NRXN1: variants seen among roughly 807,000 people sequenced by gnomAD.
NRXN1 encodes the protein neurexin 1, also known as neurexin-1.
A neutral mutation model predicts 150.9 loss-of-function variants in NRXN1; 39 were observed. The ratio of observed to expected loss-of-function variants is 0.26; its 90% CI spans 0.20 to 0.34. NRXN1 has a LOEUF of 0.34. NRXN1 is among the 10% of genes least tolerant of loss of function. The pLI is 1.00. For synonymous variants in NRXN1, 924 were observed against 757.0 expected, an observed-to-expected ratio of 1.22 and a Z score of -3.62; for missense variants, 1,815 against 1,949.9, an observed-to-expected ratio of 0.93 and a Z score of 1.30.
At chr2:50,050,718 C>T (rs971261809) in intron 21 of NRXN1, among the ~76,000 whole-genome samples, 31 of 151,854 alleles carry the variant, frequency 2.0e-4, no homozygotes, top group African/African-American at 7.0e-4. Flanking sequence ...AAGTCAATTA[C>T]GAATTATGGA....
At chr2:50,948,118 A>G in intron 2 of NRXN1, among the ~76,000 whole-genome samples, 1 of 151,932 alleles carries the variant, frequency 6.6e-6, no homozygotes, top group East Asian at 1.9e-4. Context: ...CAGACACCAC[A>G]TTTCTTCAAT....
intron 21 of NRXN1, chr2:50,016,689 C>G (rs941740344): frequency 6.6e-6 from 1 of 152,146 alleles, no homozygotes; most frequent in Non-Finnish European, 1.5e-5. Flanking sequence ...AAAACCACCC[C>G]CATGATTCAA....
intron 21 of NRXN1, among the ~76,000 whole-genome samples, chr2:50,049,756 T>C (rs1021346913): frequency 2.6e-5 from 4 of 152,074 alleles, no homozygotes; most frequent in Admixed American, 2.6e-4. Context: ...TCATAAGACA[T>C]TGCAAGTTTA....
rs191184347 is a variant in NRXN1 at position 49,981,393 on chromosome 2, G to C, written c.4129-37602C>G. 2.4e-3 allele frequency among the ~76,000 whole-genome samples: 360 copies of C among 152,098 alleles called. 2 individuals are homozygous for C. The highest frequency in any genetic ancestry group is 3.0e-3 in the Non-Finnish European group (203 of 67,938). ...AAAATTGGAAAAAAGGAAGAATGAA[G>C]GGGAGGGAGGGAAGAGGGAAAAGAA... On this transcript the variant is annotated intron_variant, in intron 21 of 22. Transcript: ENST00000401669.
chr2:50,417,301 T>G (rs1268783569), intron 17 of NRXN1: 1 of 152,102 alleles, frequency 6.6e-6, no homozygotes, highest in Non-Finnish European at 1.5e-5. Flanking sequence ...GGAAGTTCAA[T>G]TCAATGTAGA....
intron 19 of NRXN1, among the ~76,000 whole-genome samples, chr2:50,079,565 GAGGT>G (rs1697628796): frequency 6.6e-6 from 1 of 151,932 alleles, no homozygotes; most frequent in African/African-American, 2.4e-5. Context: ...TGTTATATCT[GAGGT>G]ACTTTAGAAT....
At chr2:50,924,678 G>C (rs1686595240) in intron 3 of NRXN1, among the ~76,000 whole-genome samples, 1 of 151,432 alleles carries the variant, frequency 6.6e-6, no homozygotes, top group Non-Finnish European at 1.5e-5. Context: ...AAAAACAGAA[G>C]CCATATATGG....
intron 5 of NRXN1, among the ~76,000 whole-genome samples, chr2:50,904,705 T>A (rs1456845950): frequency 3.3e-5 from 5 of 152,178 alleles, no homozygotes; most frequent in Admixed American, 3.3e-4. Context: ...TTTATCTAGA[T>A]ACATAATATT....
At chr2:50,504,638 C>G (rs2092129351) in intron 13 of NRXN1, among the ~76,000 whole-genome samples, 1 of 152,152 alleles carries the variant, frequency 6.6e-6, no homozygotes, top group Non-Finnish European at 1.5e-5. Context: ...CAGTACAGGA[C>G]TTATTACTTT....
At chr2:50,302,678 T>C (rs1212054891) in intron 17 of NRXN1, among the ~76,000 whole-genome samples, 1 of 152,182 alleles carries the variant, frequency 6.6e-6, no homozygotes, top group Non-Finnish European at 1.5e-5. Flanking sequence ...AATACTTTGT[T>C]TCTGCAAACA....
At chr2:50,146,950 T>A (rs1237486753) in intron 18 of NRXN1, among the ~76,000 whole-genome samples, 1 of 151,754 alleles carries the variant, frequency 6.6e-6, no homozygotes, top group Non-Finnish European at 1.5e-5. Flanking sequence ...CATTACCACT[T>A]CATGTTGTAA....
At chr2:50,010,716 T>C (rs897447580) in intron 21 of NRXN1, among the ~76,000 whole-genome samples, 2 of 152,096 alleles carry the variant, frequency 1.3e-5, no homozygotes, top group Non-Finnish European at 2.9e-5. Context: ...GAGAATGACA[T>C]CTCCAGGGAT....
At chr2:50,917,273 T>C (rs1191791443) in intron 5 of NRXN1, 1 of 151,700 alleles carries the variant, frequency 6.6e-6, no homozygotes, top group Non-Finnish European at 1.5e-5. Context: ...AATGAGGAAA[T>C]ACAATTTAAG....
chr2:50,142,554 T>C (rs1707431661), intron 18 of NRXN1, among the ~76,000 whole-genome samples: 1 of 151,830 alleles, frequency 6.6e-6, no homozygotes, highest in African/African-American at 2.4e-5. Flanking sequence ...TCTATACATA[T>C]AACAAAATAT....
intron 15 of NRXN1, among the ~76,000 whole-genome samples, chr2:50,489,699 A>G (rs2091122735): frequency 6.6e-6 from 1 of 152,168 alleles, no homozygotes; most frequent in African/African-American, 2.4e-5. Context: ...CTAAATATAG[A>G]CAACCCATGG....
intron 11 of NRXN1, among the ~76,000 whole-genome samples, chr2:50,529,530 T>A (rs922546449): frequency 5.9e-5 from 9 of 152,236 alleles, no homozygotes; most frequent in African/African-American, 1.9e-4. Flanking sequence ...TTATTTTATA[T>A]GTATTTGTTG....
At chr2:50,862,063 A>G (rs1471636206) in intron 5 of NRXN1, among the ~76,000 whole-genome samples, 1 of 151,738 alleles carries the variant, frequency 6.6e-6, no homozygotes, top group Non-Finnish European at 1.5e-5. Flanking sequence ...TCAGCCAGGA[A>G]TGGTGGTGGG....
Position 50,689,854 on chromosome 2 carries a change from T to TTGTG in NRXN1, c.833-66243_833-66240dup, listed in dbSNP as rs796892350. ...CATCAGCTTGTTTTTTTTTGCTTAT[T>TTGTG]TGTGTGTGTGTGTGTGTGTGTGTGT... On this transcript the variant is annotated intron_variant, in intron 5 of 22. Transcript: ENST00000401669. Among the ~76,000 whole-genome samples, 7,639 of 135,248 alleles carry TTGTG rather than the reference T, an allele frequency of 0.056. 222 individuals are homozygous for TTGTG. The highest frequency in any genetic ancestry group is 0.074 in the Admixed American group (1,015 of 13,640). 88.7% of individuals were successfully genotyped at this position (135,248 alleles called of 152,430 possible).
intron 12 of NRXN1, among the ~76,000 whole-genome samples, chr2:50,516,707 G>T (rs1394757618): frequency 1.3e-5 from 2 of 151,842 alleles, no homozygotes; most frequent in African/African-American, 2.4e-5. Context: ...TTTAGCCAAG[G>T]ATATACCCTT....
Sources: gnomAD v4.1 joint callset for allele counts (sites outside exome capture counted in the v4.1 genomes callset) on GRCh38, gnomAD v4.1.1 for gene constraint, MANE v1.5 for transcripts, NCBI Gene and HGNC (gene_info 2026-07-23, HGNC 2026-07-21) for gene names.